NAALADL2: variants seen among roughly 807,000 people sequenced by gnomAD.
NAALADL2 encodes N-acetylated alpha-linked acidic dipeptidase like 2.
In NAALADL2, 76 loss-of-function variants were observed where a neutral mutation model predicts 87.2. The observed-to-expected ratio is 0.87, with a 90% CI of 0.72 to 1.05. The LOEUF is 1.05. Ranked by LOEUF, NAALADL2 falls within the 50% of genes least tolerant of loss-of-function variation. The pLI, the probability that NAALADL2 is intolerant of heterozygous loss-of-function variation, is 0.00. For missense variants in NAALADL2, 1,089 were observed against 945.8 expected (o/e 1.15, Z -1.99); for synonymous variants, 354 against 331.0 (o/e 1.07, Z -0.75).
intron 5 of NAALADL2, among the ~76,000 whole-genome samples, chr3:175,444,355 C>T (rs547448155): frequency 2.0e-5 from 3 of 152,300 alleles, no homozygotes; most frequent in Admixed American, 1.3e-4. Flanking sequence ...TTTGTACAGA[C>T]ATTGTCTATG....
At chr3:174,962,231 A>G (rs1742114431) in intron 1 of NAALADL2, among the ~76,000 whole-genome samples, 1 of 151,658 alleles carries the variant, frequency 6.6e-6, no homozygotes, top group South Asian at 2.1e-4. Flanking sequence ...GGCTGACTGA[A>G]ACATCACAGG....
At position 174,515,648 on chromosome 3, in the gene NAALADL2, CTT is replaced by C. The variant is rs974595522; in HGVS notation, c.-183-34918_-183-34917del. 2.7e-5 allele frequency among the ~76,000 whole-genome samples: 4 copies of C among 149,486 alleles called. No homozygotes were observed. In the Admixed American group the frequency reaches 2.7e-4, roughly 10 times the overall value. Reference sequence around the variant, plus strand: ...CAAATATTTGGTTGAACTAGAGAATCTTTTAGGAAAAGTAGTTGAAATCAGAG... The same window carrying C: ...CAAATATTTGGTTGAACTAGAGAATCTTAGGAAAAGTAGTTGAAATCAGAG... On this transcript the variant is annotated intron_variant, in intron 1 of 3. Coordinates refer to the NAALADL2 transcript ENST00000434257.
chr3:174,506,315 G>C (rs937020430), intron 1 of NAALADL2, among the ~76,000 whole-genome samples: 25 of 151,604 alleles, frequency 1.6e-4, no homozygotes, highest in African/African-American at 5.8e-4. Context: ...CGAGTAGCTG[G>C]GATTACAGGC....
chr3:175,351,662 G>A (rs16825536), intron 5 of NAALADL2, among the ~76,000 whole-genome samples: 1,692 of 152,178 alleles, frequency 0.011, 75 homozygotes, highest in Admixed American at 0.085. Flanking sequence ...TTGCGTACGT[G>A]TGGCAATCAG....
At chr3:174,511,971 T>C (rs1578057114) in intron 1 of NAALADL2, among the ~76,000 whole-genome samples, 1 of 152,264 alleles carries the variant, frequency 6.6e-6, no homozygotes, top group African/African-American at 2.4e-5. Context: ...TTCTTACTTT[T>C]ATAAGTTTAC....
chr3:175,769,083 CTT>C (rs1749132017), intron 13 of NAALADL2, among the ~76,000 whole-genome samples: 1 of 152,084 alleles, frequency 6.6e-6, no homozygotes, highest in Non-Finnish European at 1.5e-5. Context: ...TCCTGATTCT[CTT>C]TTTAATCTTA....
intron 5 of NAALADL2, among the ~76,000 whole-genome samples, chr3:175,327,148 C>CTCTTTTTTTTTTTTTTTTT (rs1760811308): frequency 4.0e-5 from 4 of 99,512 alleles, no homozygotes; most frequent in African/African-American, 1.7e-4. Flanking sequence ...GTCTACATTT[C>CTCTTTTTTTTTTTTTTTTT]TTTTTTTTTT....
chr3:174,642,460 C>A (rs1312798482), intron 2 of NAALADL2, among the ~76,000 whole-genome samples: 1 of 150,336 alleles, frequency 6.7e-6, no homozygotes, highest in Non-Finnish European at 1.5e-5. Flanking sequence ...GAGATCGCGC[C>A]ACTGCATTCC....
chr3:175,603,165 T>C (rs1723194700), intron 10 of NAALADL2, among the ~76,000 whole-genome samples: 1 of 152,212 alleles, frequency 6.6e-6, no homozygotes, highest in African/African-American at 2.4e-5. Context: ...CCTAATAATG[T>C]CCTTTATAGC....
intron 13 of NAALADL2, among the ~76,000 whole-genome samples, chr3:175,777,256 T>C (rs895696375): frequency 3.3e-5 from 5 of 151,968 alleles, no homozygotes; most frequent in African/African-American, 1.2e-4. Context: ...AGTTAAGATA[T>C]TGAAATTAAA....
At chr3:174,654,060 TTGTGTGTGTGTGTGTGTGTGTG>T (rs137877260) in intron 2 of NAALADL2, among the ~76,000 whole-genome samples, 2 of 144,068 alleles carry the variant, frequency 1.4e-5, no homozygotes, top group South Asian at 4.5e-4. Flanking sequence ...TAAGATGGCT[TTGTGTGTGTGTGTGTGTGTGTG>T]TGTGTGTGTG....
At chr3:175,048,508 A>ATTTT (rs11346343) in intron 1 of NAALADL2, among the ~76,000 whole-genome samples, 1 of 136,072 alleles carries the variant, frequency 7.3e-6, no homozygotes, top group Non-Finnish European at 1.6e-5. Flanking sequence ...TTCTAAAACC[A>ATTTT]TTTTTTTTTT....
intron 2 of NAALADL2, among the ~76,000 whole-genome samples, chr3:175,133,591 G>A (rs189599808): frequency 0.016 from 2,405 of 152,266 alleles, 76 homozygotes; most frequent in African/African-American, 0.055. Context: ...GCGTGGCGGC[G>A]CGCGCCTGCA....
chr3:175,440,099 C>T (rs1719479938), intron 5 of NAALADL2, among the ~76,000 whole-genome samples: 1 of 152,166 alleles, frequency 6.6e-6, no homozygotes, highest in South Asian at 2.1e-4. Context: ...TGTTATTCTA[C>T]ATGTGGCTTG....
chr3:174,690,505 G>T (rs1182344037), intron 2 of NAALADL2, among the ~76,000 whole-genome samples: 1 of 152,122 alleles, frequency 6.6e-6, no homozygotes, highest in African/African-American at 2.4e-5. Context: ...GCTGTCAGCT[G>T]ATATGTGCTT....
intron 1 of NAALADL2, among the ~76,000 whole-genome samples, chr3:174,926,292 A>T (rs1026311924): frequency 6.6e-6 from 1 of 152,196 alleles, no homozygotes; most frequent in Non-Finnish European, 1.5e-5. Flanking sequence ...GCAGGGTATT[A>T]TCCAGGAGAA....
At chr3:175,050,870 G>A (rs990137627) in intron 1 of NAALADL2, among the ~76,000 whole-genome samples, 2 of 152,112 alleles carry the variant, frequency 1.3e-5, no homozygotes, top group Non-Finnish European at 2.9e-5. Flanking sequence ...GATGTGAGTT[G>A]TGTTGACAAA....
At chr3:175,174,964 G>A (rs895305886) in intron 2 of NAALADL2, among the ~76,000 whole-genome samples, 12 of 151,920 alleles carry the variant, frequency 7.9e-5, no homozygotes, top group Non-Finnish European at 1.6e-4. Flanking sequence ...AGAGTTAAAA[G>A]CATTAAAATT....
chr3:175,769,494 A>G (rs1376225168), intron 13 of NAALADL2, among the ~76,000 whole-genome samples: 1 of 152,228 alleles, frequency 6.6e-6, no homozygotes, highest in African/African-American at 2.4e-5. Flanking sequence ...CAGGGCCTTT[A>G]ATATCTCATT....
Sources: gnomAD v4.1 joint callset for allele counts (sites outside exome capture counted in the v4.1 genomes callset) on GRCh38, gnomAD v4.1.1 for gene constraint, MANE v1.5 for transcripts, NCBI Gene and HGNC (gene_info 2026-07-23, HGNC 2026-07-21) for gene names.